The following ADAMTS18 variants were observed in gnomAD, a reference collection of about 807,000 sequenced individuals.
ADAMTS18 encodes ADAM metallopeptidase with thrombospondin type 1 motif 18, also known as A disintegrin and metalloproteinase with thrombospondin motifs 18.
ADAMTS18 carries 157 observed loss-of-function variants against 165.9 expected under a neutral mutation model. The observed-to-expected ratio is 0.95, with a 90% CI of 0.83 to 1.08. The LOEUF is 1.08. ADAMTS18 is among the 50% of genes least tolerant of loss of function. The probability of loss-of-function intolerance (pLI) is 0.00; values close to 1 mark genes in which losing one functional copy is unlikely to be tolerated. For synonymous variants in ADAMTS18, 782 were observed against 578.2 expected (o/e 1.35, Z -5.06); for missense variants, 2,040 against 1,534.0 (o/e 1.33, Z -5.51).
At chr16:77,323,295 AAACAG>A (rs2056036624) in intron 13 of ADAMTS18, among the ~76,000 whole-genome samples, 1 of 152,194 alleles carries the variant, frequency 6.6e-6, no homozygotes, top group Non-Finnish European at 1.5e-5. Context: ...ACAAACGTGT[AAACAG>A]TTTGCAAATA....
intron 17 of ADAMTS18, among the ~76,000 whole-genome samples, chr16:77,297,944 A>G (rs979061873): frequency 2.1e-4 from 9 of 42,162 alleles, no homozygotes; most frequent in African/African-American, 7.9e-4. Context: ...TTTTTTTTTG[A>G]GATGGAGTCT....
At chr16:77,297,558 A>T in intron 17 of ADAMTS18, 143 bp from the exon 18 acceptor site, 2 of 771,516 alleles carry the variant, frequency 2.6e-6, no homozygotes, top group Non-Finnish European at 4.2e-6. Flanking sequence ...CTTCCTTTTG[A>T]TGAAATTTGC....
chr16:77,372,337 G>A lies in ADAMTS18; in HGVS notation c.496-4614C>T, dbSNP rs368859729. Reference sequence around the variant, plus strand: ...CACTCCAGTGTTTATTGCAGCACTAGTCACAATAGCCAAGACACAGAATCA... The same window carrying A: ...CACTCCAGTGTTTATTGCAGCACTAATCACAATAGCCAAGACACAGAATCA... On this transcript the variant is annotated intron_variant, in intron 3 of 22. Transcript: ENST00000282849. 4.6e-5 allele frequency among the ~76,000 whole-genome samples: 7 copies of A among 152,192 alleles called. No homozygotes were observed. In the East Asian group the frequency reaches 1.3e-3, roughly 29 times the overall value.
intron 19 of ADAMTS18, among the ~76,000 whole-genome samples, chr16:77,294,679 GC>G (rs1205256297): frequency 2.0e-5 from 3 of 152,134 alleles, no homozygotes; most frequent in Non-Finnish European, 4.4e-5. Flanking sequence ...CACGAGTCTG[GC>G]CTAAATGGCC....
Position 77,400,489 on chromosome 16 carries a change from T to G in ADAMTS18, c.495+30806A>C, listed in dbSNP as rs1287827498. Reference sequence around the variant, plus strand: ...GTGTGTGTGTGTGTGTGTTTTGTTTTTTTTTTTTTTGAGACGGAGTCTCGC... The same window carrying G: ...GTGTGTGTGTGTGTGTGTTTTGTTTGTTTTTTTTTTGAGACGGAGTCTCGC... On this transcript the variant is annotated intron_variant, in intron 3 of 22. Coordinates refer to ENST00000282849, the MANE Select transcript of ADAMTS18 (RefSeq NM_199355.4). Among the ~76,000 whole-genome samples the G allele has an allele frequency of 1.2e-4, 18 of 148,092 alleles. No homozygotes were observed. In the East Asian group the frequency reaches 1.4e-3, roughly 11 times the overall value.
intron 18 of ADAMTS18, among the ~76,000 whole-genome samples, chr16:77,295,694 G>C (rs1463086256): frequency 2.6e-5 from 4 of 152,098 alleles, no homozygotes; most frequent in South Asian, 2.1e-4. Context: ...ATTTTTAAGT[G>C]GGTACTTCCC....
intron 10 of ADAMTS18, among the ~76,000 whole-genome samples, chr16:77,348,860 T>G (rs757262625): frequency 6.6e-6 from 1 of 152,118 alleles, no homozygotes; most frequent in East Asian, 1.9e-4. Context: ...AACACTTGAA[T>G]TGAATCTTTA....
At chr16:77,347,175 A>C (rs1280567976) in intron 10 of ADAMTS18, among the ~76,000 whole-genome samples, 1 of 152,214 alleles carries the variant, frequency 6.6e-6, no homozygotes, top group Non-Finnish European at 1.5e-5. Flanking sequence ...AGCAAAATCT[A>C]ATCTGCTTGC....
chr16:77,284,159 T>A, intron 22 of ADAMTS18, 88 bp from the exon 23 acceptor site: 2 of 859,502 alleles, frequency 2.3e-6, no homozygotes, highest in Non-Finnish European at 3.8e-6. Context: ...CTCACTCTGT[T>A]ACCTAGGCTG....
chr16:77,383,854 G>A (rs1266966519), intron 3 of ADAMTS18, among the ~76,000 whole-genome samples: 1 of 152,074 alleles, frequency 6.6e-6, no homozygotes, highest in African/African-American at 2.4e-5. Flanking sequence ...AAAGCTGACT[G>A]GGGAAACAAG....
chr16:77,330,982 A>G (rs1307990863), intron 12 of ADAMTS18, among the ~76,000 whole-genome samples: 1 of 152,222 alleles, frequency 6.6e-6, no homozygotes, highest in Non-Finnish European at 1.5e-5. Context: ...AGACAGAACA[A>G]TTAATTCAGT....
At chr16:77,387,336 A>G (rs41339645) in intron 3 of ADAMTS18, among the ~76,000 whole-genome samples, 3,701 of 152,250 alleles carry the variant, frequency 0.024, 76 homozygotes, top group South Asian at 0.056. Context: ...ATCACTTTAC[A>G]ATGTTTTTCA....
chr16:77,401,801 G>C (rs1214727989), intron 3 of ADAMTS18, among the ~76,000 whole-genome samples: 2 of 152,146 alleles, frequency 1.3e-5, no homozygotes, highest in Non-Finnish European at 2.9e-5. Flanking sequence ...GGATGAATTT[G>C]ATCTCTCTCT....
At chr16:77,359,220 C>T in intron 8 of ADAMTS18, 98 bp downstream of exon 8, 5 of 1,037,238 alleles carry the variant, frequency 4.8e-6, no homozygotes, top group South Asian at 2.7e-5. Context: ...AAGACTGATC[C>T]TCTTTGTTCT....
intron 3 of ADAMTS18, among the ~76,000 whole-genome samples, chr16:77,426,937 C>G (rs1354275067): frequency 6.6e-6 from 1 of 152,132 alleles, no homozygotes; most frequent in African/African-American, 2.4e-5. Flanking sequence ...TTGCTTAAGC[C>G]TGGGAAGTTG....
At chr16:77,350,646 G>A (rs992590089) in intron 10 of ADAMTS18, among the ~76,000 whole-genome samples, 1 of 152,160 alleles carries the variant, frequency 6.6e-6, no homozygotes, top group Non-Finnish European at 1.5e-5. Context: ...AAATGTGTAT[G>A]TGTGAACGTT....
chr16:77,433,124 G>T (rs999639860), intron 2 of ADAMTS18, among the ~76,000 whole-genome samples: 2 of 152,124 alleles, frequency 1.3e-5, no homozygotes, highest in Non-Finnish European at 2.9e-5. Context: ...GCTTTAAAGG[G>T]ATGTGGCTCT....
rs912590646 is a variant in ADAMTS18, at chr16:77,283,516, C to T, written c.*440G>A. 3.6e-5 allele frequency: 7 copies of T among 193,944 alleles called. No homozygotes were observed. Among genetic ancestry groups the T allele is most frequent in the South Asian group, 9.9e-5 (1 of 10,098 alleles). 12.0% of individuals were successfully genotyped at this position (193,944 alleles called of 1,614,324 possible). On this transcript the variant is annotated 3_prime_UTR_variant, in exon 23 of 23. Transcript: ENST00000282849. ...AGGGTTAGTCGAACTGTGAACTCCA[C>T]GCAACAGTTAGGCAAGGTATTCCAT...
intron 16 of ADAMTS18, among the ~76,000 whole-genome samples, chr16:77,317,123 C>A (rs529267243): frequency 3.9e-5 from 6 of 152,164 alleles, no homozygotes; most frequent in South Asian, 2.1e-4. Context: ...TTATCTCATA[C>A]TTTATTTTCT....
Sources: allele counts gnomAD v4.1 joint callset (sites outside exome capture counted in the v4.1 genomes callset), GRCh38; gene constraint gnomAD v4.1.1; transcripts MANE v1.5; gene names NCBI Gene and HGNC (gene_info 2026-07-23, HGNC 2026-07-21).